WASF3: variants seen among roughly 807,000 people sequenced by gnomAD.
WASF3 encodes WASP family member 3, also known as actin-binding protein WASF3.
A neutral mutation model predicts 46.6 loss-of-function variants in WASF3; 11 were observed. The ratio of observed to expected loss-of-function variants is 0.24; its 90% CI spans 0.15 to 0.39. WASF3 has a LOEUF of 0.39. Ranked by LOEUF, WASF3 falls within the 10% of genes least tolerant of loss-of-function variation. WASF3 has a pLI of 1.00. For missense variants in WASF3, 576 were observed against 669.8 expected (o/e 0.86, Z 1.55); for synonymous variants, 242 against 259.7 (o/e 0.93, Z 0.65).
At chr13:26,657,816 A>G (rs1193635430) in intron 3 of WASF3, among the ~76,000 whole-genome samples, 1 of 152,244 alleles carries the variant, frequency 6.6e-6, no homozygotes, top group East Asian at 1.9e-4. Context: ...TTGTAATTAT[A>G]ACACTATTCT....
intron 1 of WASF3, among the ~76,000 whole-genome samples, chr13:26,563,661 A>AAAG (rs1879371261): frequency 6.6e-6 from 1 of 150,684 alleles, no homozygotes; most frequent in Non-Finnish European, 1.5e-5. Flanking sequence ...TCTCAAAAAA[A>AAAG]AAAAAAAAAA....
chr13:26,570,383 C>G (rs1298687109), intron 1 of WASF3, among the ~76,000 whole-genome samples: 1 of 152,130 alleles, frequency 6.6e-6, no homozygotes, highest in Non-Finnish European at 1.5e-5. Flanking sequence ...CTACAAAAAC[C>G]GTAGTTTCAG....
At chr13:26,684,103 C>T (rs959058299) in intron 9 of WASF3, among the ~76,000 whole-genome samples, 24 of 152,238 alleles carry the variant, frequency 1.6e-4, no homozygotes, top group Non-Finnish European at 2.5e-4. Flanking sequence ...CTTGTGTGCC[C>T]ATGAACCAGG....
intron 1 of WASF3, among the ~76,000 whole-genome samples, chr13:26,598,401 A>G (rs976009508): frequency 7.2e-5 from 11 of 152,184 alleles, no homozygotes; most frequent in Non-Finnish European, 1.3e-4. Context: ...ATTTTCTCCC[A>G]TTCTGTAGTG....
upstream of WASF3, among the ~76,000 whole-genome samples, chr13:26,556,292 T>C (rs1274880751): frequency 6.6e-6 from 1 of 152,244 alleles, no homozygotes; most frequent in Non-Finnish European, 1.5e-5. Flanking sequence ...ATCTATACTT[T>C]CATATTTTTG....
intron 3 of WASF3, among the ~76,000 whole-genome samples, chr13:26,648,455 A>G (rs1052004990): frequency 7.9e-5 from 12 of 152,330 alleles, no homozygotes; most frequent in Admixed American, 2.6e-4. Flanking sequence ...GTTAATTGAC[A>G]TAAGTGCAGT....
chr13:26,569,927 C>T (rs559630116), intron 1 of WASF3, among the ~76,000 whole-genome samples: 2 of 152,326 alleles, frequency 1.3e-5, no homozygotes, highest in South Asian at 4.1e-4. Flanking sequence ...TATGCTAATA[C>T]ATTTTTAACT....
intron 2 of WASF3, among the ~76,000 whole-genome samples, chr13:26,625,537 AAGAG>A (rs144812584): frequency 2.8e-4 from 42 of 151,050 alleles, no homozygotes; most frequent in African/African-American, 8.2e-4. Context: ...CCAACTTAAG[AAGAG>A]AGAGAGAGAG....
chr13:26,646,963 A>G (rs1004939560), intron 3 of WASF3, among the ~76,000 whole-genome samples: 3 of 152,224 alleles, frequency 2.0e-5, no homozygotes, highest in Admixed American at 6.5e-5. Flanking sequence ...TTAGATAGCA[A>G]ATGGAATTCT....
chr13:26,548,484 G>C, the WASF3 span, among the ~76,000 whole-genome samples: 1 of 151,934 alleles, frequency 6.6e-6, no homozygotes, highest in Non-Finnish European at 1.5e-5. Flanking sequence ...TCATCTCCTT[G>C]CCTCCTTTCT....
At chr13:26,563,433 TCA>T (rs1310293163) in intron 1 of WASF3, among the ~76,000 whole-genome samples, 1 of 151,870 alleles carries the variant, frequency 6.6e-6, no homozygotes, top group Non-Finnish European at 1.5e-5. Context: ...GGGAGGCTGA[TCA>T]CCTCAGGTCA....
intron 1 of WASF3, among the ~76,000 whole-genome samples, chr13:26,575,823 CTGATATCATTCTG>C (rs549192747): frequency 1.8e-3 from 275 of 152,274 alleles, no homozygotes; most frequent in Middle Eastern, 3.4e-3. Context: ...GATTCATTCT[CTGATATCATTCTG>C]TGATATCTTT....
chr13:26,595,895 CA>C (rs1441816309), intron 1 of WASF3, among the ~76,000 whole-genome samples: 1 of 152,166 alleles, frequency 6.6e-6, no homozygotes, highest in Non-Finnish European at 1.5e-5. Flanking sequence ...ACAATCCACG[CA>C]AACAACATTT....
At position 26,688,177 on chromosome 13, in the gene WASF3, A is replaced by G. The variant is rs924070595; in HGVS notation, c.*2332A>G. On this transcript the variant is annotated 3_prime_UTR_variant, in exon 10 of 10. Transcript: ENST00000335327. ...TTAGAGTATTTTTCCAGCAAATTCA[A>G]TTTATTCTGAAATTTAAATCCAGAT... The G allele has an allele frequency of 6.6e-6, 1 of 152,190 alleles. No homozygotes were observed. The highest frequency in any genetic ancestry group is 2.4e-5 in the African/African-American group (1 of 41,454). The allele number at this position is 152,190 out of a possible 1,614,324, so 9.4% of individuals were successfully genotyped here. A position where few individuals can be genotyped will look rare whatever the true frequency, so the allele number is the denominator to read the frequency against.
At chr13:26,639,381 C>T (rs1296060044) in intron 2 of WASF3, among the ~76,000 whole-genome samples, 1 of 152,088 alleles carries the variant, frequency 6.6e-6, no homozygotes, top group Non-Finnish European at 1.5e-5. Context: ...AAGGGAAGGC[C>T]AAAGAGAAAT....
intron 1 of WASF3, among the ~76,000 whole-genome samples, chr13:26,567,595 C>T (rs1049062268): frequency 6.6e-6 from 1 of 152,126 alleles, no homozygotes; most frequent in Non-Finnish European, 1.5e-5. Context: ...TGCTATCTGG[C>T]TCTTTACAGT....
At chr13:26,664,162 CTAATG>C (rs928851961) in intron 3 of WASF3, among the ~76,000 whole-genome samples, 15 of 152,278 alleles carry the variant, frequency 9.9e-5, no homozygotes, top group African/African-American at 3.6e-4. Context: ...ATTCTTAACT[CTAATG>C]AAGTTTTCTT....
chr13:26,675,437 C>T (rs1249347145), intron 6 of WASF3, among the ~76,000 whole-genome samples: 1 of 151,594 alleles, frequency 6.6e-6, no homozygotes, highest in East Asian at 1.9e-4. Context: ...TCAATACTCT[C>T]AGTCATTCCA....
At chr13:26,552,630 A>T in the WASF3 span, among the ~76,000 whole-genome samples, 1 of 135,774 alleles carries the variant, frequency 7.4e-6, no homozygotes, top group Non-Finnish European at 1.6e-5. Flanking sequence ...CATTCTGAGA[A>T]CAAGTACAAA....
Sources: gnomAD v4.1 joint callset for allele counts (sites outside exome capture counted in the v4.1 genomes callset) on GRCh38, gnomAD v4.1.1 for gene constraint, MANE v1.5 for transcripts, NCBI Gene and HGNC (gene_info 2026-07-23, HGNC 2026-07-21) for gene names.